The following MEIOSIN variants were observed in gnomAD, a reference collection of about 807,000 sequenced individuals.
MEIOSIN encodes the protein meiosis initiator protein.
Under a neutral mutation model 23.4 loss-of-function variants are expected in MEIOSIN, and 18 were observed. The ratio of observed to expected loss-of-function variants is 0.77; its 90% confidence interval spans 0.53 to 1.14. MEIOSIN has a LOEUF of 1.14. MEIOSIN is among the 50% of genes most tolerant of loss of function. The pLI is 0.00. For synonymous variants in MEIOSIN, 187 were observed against 100.6 expected, an observed-to-expected ratio of 1.86 and a Z score of -5.14; for missense variants, 428 against 242.9, an observed-to-expected ratio of 1.76 and a Z score of -5.07.
chr19:45,764,408 T>G lies in MEIOSIN; in HGVS notation c.*290T>G. ...GTTTACCCACCCCTCTCCCCTTCCC[T>G]TCCCCACCCCAGAGCCACTCGGTTG... is the stretch of plus-strand genomic sequence containing the variant. On this transcript the variant is annotated 3_prime_UTR_variant, in exon 15 of 15. Coordinates refer to ENST00000457052, the MANE Select transcript of MEIOSIN (RefSeq NM_001310124.2). 6.4e-6 allele frequency: 2 copies of G among 314,730 alleles called. No homozygotes were observed. The highest frequency in any genetic ancestry group is 4.9e-5 in the East Asian group (1 of 20,296). The allele number at this position is 314,730 out of a possible 1,614,324, so 19.5% of individuals were successfully genotyped here.
At chr19:45,742,471 C>T (rs540117965) in intron 3 of MEIOSIN, among the ~76,000 whole-genome samples, 3 of 152,046 alleles carry the variant, frequency 2.0e-5, no homozygotes, top group East Asian at 1.9e-4. Flanking sequence ...CAGAGCAACT[C>T]GTTGTCTCTT....
At chr19:45,755,724 G>C (rs1968811286) in intron 7 of MEIOSIN, among the ~76,000 whole-genome samples, 1 of 152,198 alleles carries the variant, frequency 6.6e-6, no homozygotes, top group Admixed American at 6.5e-5. Context: ...GGGGTTACAG[G>C]TATGAGCCAC....
chr19:45,763,412 A>C lies in MEIOSIN; in HGVS notation c.1754A>C (p.Glu585Ala). The change falls in exon 14 of 15, where the codon GAG becomes GCG. Residue 585 changes from glutamate (E) to alanine (A), a missense_variant. Transcript: ENST00000457052. ...CTGTGGCGGGTGATGACCCAGCAGG[A>C]GCGGAGGCCATACTGGTGAGAGGCT... Reference protein sequence around the residue: ...AQLWRVMTQQERRPYCTKARR... With the variant: ...AQLWRVMTQQARRPYCTKARR... The C allele has an allele frequency of 2.5e-6, 1 of 398,580 alleles. No homozygotes were observed. The highest frequency in any genetic ancestry group is 4.4e-6 in the Non-Finnish European group (1 of 226,120). The allele number at this position is 398,580 out of a possible 1,614,324, so 24.7% of individuals were successfully genotyped here.
At position 45,754,541 on chromosome 19, in the gene MEIOSIN, G is replaced by A; in HGVS notation, c.619G>A (p.Val207Met). 1.4e-6 allele frequency: 1 copy of A among 703,064 alleles called. No homozygotes were observed. The highest frequency in any genetic ancestry group is 2.6e-6 in the Non-Finnish European group (1 of 385,030). 43.6% of individuals were successfully genotyped at this position (703,064 alleles called of 1,614,324 possible). The part of the protein sequence containing the change: ...SLALNKPEKL[V>M]APSPDQKGSG... Reference sequence around the variant, plus strand: ...GGCCCTGAACAAGCCTGAGAAGCTGGTGGCCCCATCCCCAGACCAGAAAGG... The same window carrying A: ...GGCCCTGAACAAGCCTGAGAAGCTGATGGCCCCATCCCCAGACCAGAAAGG... The change falls in exon 7 of 15, where the codon GTG becomes ATG. Residue 207 changes from valine (V) to methionine (M), a missense_variant. Val to Met is a conservative substitution (Grantham distance 21). Transcript: ENST00000457052.
At chr19:45,753,234 G>C (rs974595053) in intron 5 of MEIOSIN, among the ~76,000 whole-genome samples, 5 of 152,216 alleles carry the variant, frequency 3.3e-5, no homozygotes, top group African/African-American at 1.2e-4. Flanking sequence ...GTGGATAGAA[G>C]TGAGTAAACC....
At chr19:45,736,258 G>C (rs571207746) in intron 2 of MEIOSIN, among the ~76,000 whole-genome samples, 80 of 152,152 alleles carry the variant, frequency 5.3e-4, no homozygotes, top group Admixed American at 2.0e-3. Context: ...TGTTGCACAG[G>C]CCTGTCTTGA....
intron 11 of MEIOSIN, among the ~76,000 whole-genome samples, 173 bp downstream of exon 11, chr19:45,759,663 G>A (rs527446978): frequency 2.6e-5 from 4 of 152,008 alleles, no homozygotes; most frequent in Admixed American, 6.6e-5. Flanking sequence ...CCCTCTCTGC[G>A]CTCACTGGTG....
chr19:45,740,529 T>A (rs752752719), intron 3 of MEIOSIN, among the ~76,000 whole-genome samples: 1 of 152,010 alleles, frequency 6.6e-6, no homozygotes, highest in Non-Finnish European at 1.5e-5. Context: ...GGCGGATAGA[T>A]CACGAGGTCA....
intron 11 of MEIOSIN, among the ~76,000 whole-genome samples, chr19:45,760,246 T>TC (rs1358074094): frequency 6.6e-6 from 1 of 151,670 alleles, no homozygotes; most frequent in Non-Finnish European, 1.5e-5. Flanking sequence ...CGTAGGCGGA[T>TC]CACCTGAGAT....
chr19:45,736,535 T>G (rs1338473939), intron 2 of MEIOSIN, among the ~76,000 whole-genome samples: 2 of 151,340 alleles, frequency 1.3e-5, no homozygotes, highest in African/African-American at 4.9e-5. Flanking sequence ...GCTAATTTTT[T>G]TGTGTGTATT....
At position 45,762,195 on chromosome 19, in the gene MEIOSIN, G is replaced by T. The variant is rs1968959481; in HGVS notation, c.1679+12G>T. 1 of 404,864 alleles carries T rather than the reference G, an allele frequency of 2.5e-6. No individual in the cohort carries two copies. The highest frequency in any genetic ancestry group is 3.5e-5 in the East Asian group (1 of 28,198). 25.1% of individuals were successfully genotyped at this position (404,864 alleles called of 1,614,324 possible). A position where few individuals can be genotyped will look rare whatever the true frequency, so the allele number is the denominator to read the frequency against. ...AAGCAGTACATCCGGTGGGTAGGGG[G>T]TCGTCTTTGGCCCTGGGGAAGGCCC... On this transcript the variant is annotated intron_variant, in intron 13 of 14. Coordinates refer to ENST00000457052, the MANE Select transcript of MEIOSIN (RefSeq NM_001310124.2).
intron 5 of MEIOSIN, among the ~76,000 whole-genome samples, chr19:45,751,665 G>A (rs533697775): frequency 6.0e-5 from 9 of 151,128 alleles, no homozygotes; most frequent in African/African-American, 2.2e-4. Context: ...CAGTAACAGC[G>A]ACAGCACCCA....
Position 45,764,488 on chromosome 19 carries a change from G to A in MEIOSIN, c.*370G>A, listed in dbSNP as rs1161254121. 2.6e-5 allele frequency: 5 copies of A among 194,086 alleles called. No homozygotes were observed. The highest frequency in any genetic ancestry group is 1.2e-4 in the African/African-American group (5 of 42,862). 12.0% of individuals were successfully genotyped at this position (194,086 alleles called of 1,614,324 possible). On this transcript the variant is annotated 3_prime_UTR_variant, in exon 15 of 15. Coordinates refer to ENST00000457052, the MANE Select transcript of MEIOSIN (RefSeq NM_001310124.2). ...TCCTCCCTCTCCTGTTCTATTTTTAGACTATTTATTGTTTTAAATAAAATA... is the reference window on the plus strand; with the variant it reads ...TCCTCCCTCTCCTGTTCTATTTTTAAACTATTTATTGTTTTAAATAAAATA...
chr19:45,739,500 T>C (rs534867120), intron 2 of MEIOSIN, 126 bp from the exon 3 acceptor site: 2 of 645,594 alleles, frequency 3.1e-6, no homozygotes, highest in Admixed American at 2.3e-5. Flanking sequence ...CAGTTCCAGG[T>C]CTATATCTTG....
chr19:45,756,970 C>G (rs748497692), intron 8 of MEIOSIN, among the ~76,000 whole-genome samples: 4 of 152,190 alleles, frequency 2.6e-5, no homozygotes, highest in Non-Finnish European at 4.4e-5. Flanking sequence ...ACTGGCTCAT[C>G]ATCCTCCAGC....
chr19:45,762,784 C>T (rs975376411), intron 13 of MEIOSIN, among the ~76,000 whole-genome samples: 2 of 152,144 alleles, frequency 1.3e-5, no homozygotes, highest in East Asian at 1.9e-4. Context: ...AAAACAAGGG[C>T]GGGTATAGAC....
At position 45,735,413 on chromosome 19, in the gene MEIOSIN, C is replaced by T; in HGVS notation, c.37C>T (p.Gln13Ter). Residue 13 changes from glutamine (Q) to a stop codon, truncating the protein, a stop_gained, in exon 2 of 15, where the codon CAG (glutamine) becomes TAG (stop). Transcript: ENST00000457052. LOFTEE classifies it high-confidence loss of function. ...GSSRYLGSSE[Q>*]PRANSLGPSD... Reference sequence around the variant, plus strand: ...CAGCAGATACTTGGGTTCCTCTGAACAGCCCAGAGCTAATTCACTGGGTCC... The same window carrying T: ...CAGCAGATACTTGGGTTCCTCTGAATAGCCCAGAGCTAATTCACTGGGTCC... The T allele has an allele frequency of 2.8e-6, 2 of 702,824 alleles. No homozygotes were observed. The highest frequency in any genetic ancestry group is 5.2e-6 in the Non-Finnish European group (2 of 384,900). 43.5% of individuals were successfully genotyped at this position (702,824 alleles called of 1,614,324 possible). A position where few individuals can be genotyped will look rare whatever the true frequency, so the allele number is the denominator to read the frequency against.
intron 2 of MEIOSIN, among the ~76,000 whole-genome samples, chr19:45,737,175 CTT>C (rs754481912): frequency 6.8e-4 from 95 of 140,362 alleles, no homozygotes; most frequent in Admixed American, 8.7e-4. Context: ...GGCTTCTTTC[CTT>C]TTTTTTTTTT....
chr19:45,756,939 A>G (rs1355615873), intron 8 of MEIOSIN, among the ~76,000 whole-genome samples: 1 of 152,106 alleles, frequency 6.6e-6, no homozygotes, highest in Admixed American at 6.6e-5. Flanking sequence ...CCCATCCCTC[A>G]GGCTGAGCCC....
Sources: allele counts gnomAD v4.1 joint callset (sites outside exome capture counted in the v4.1 genomes callset), GRCh38; gene constraint gnomAD v4.1.1; transcripts MANE v1.5; gene names NCBI Gene and HGNC (gene_info 2026-07-23, HGNC 2026-07-21).